The following SSBP3 variants were observed in gnomAD, a reference collection of about 807,000 sequenced individuals.
SSBP3 encodes the protein single stranded DNA binding protein 3, also known as single-stranded DNA-binding protein 3.
In SSBP3, 5 loss-of-function variants were observed where a neutral mutation model predicts 69.6. The observed-to-expected ratio is 0.07, with a 90% CI of 0.04 to 0.15. SSBP3 has a LOEUF of 0.15. SSBP3 is among the 10% of genes least tolerant of loss of function. The probability of loss-of-function intolerance (pLI) is 1.00; values close to 1 mark genes in which losing one functional copy is unlikely to be tolerated. For synonymous variants in SSBP3, 196 were observed against 193.4 expected, an observed-to-expected ratio of 1.01 and a Z score of -0.11; for missense variants, 312 against 534.0, an observed-to-expected ratio of 0.58 and a Z score of 4.10.
chr1:54,380,001 G>A (rs1046763316), intron 4 of SSBP3, among the ~76,000 whole-genome samples: 5 of 152,188 alleles, frequency 3.3e-5, no homozygotes, highest in African/African-American at 1.2e-4. Flanking sequence ...GGGGCTGGAG[G>A]AGGGCCTCTG....
At position 54,337,485 on chromosome 1, in the gene SSBP3, C is replaced by CTTTT. The variant is rs869039822; in HGVS notation, c.277-55962_277-55959dup. 2.4e-3 allele frequency among the ~76,000 whole-genome samples: 123 copies of CTTTT among 51,168 alleles called. 15 individuals are homozygous for CTTTT. The highest frequency in any genetic ancestry group is 2.7e-3 in the African/African-American group (27 of 10,176). The allele number at this position is 51,168 out of a possible 152,430, so 33.6% of individuals were successfully genotyped here. A position where few individuals can be genotyped will look rare whatever the true frequency, so the allele number is the denominator to read the frequency against. On this transcript the variant is annotated intron_variant, in intron 4 of 17. Transcript: ENST00000610401. ...ACCAAAGCATTTTGTTTTCCTCAAG[C>CTTTT]TTTTTTTTTTTTTTTTTTTTTTTTT... is the stretch of plus-strand genomic sequence containing the variant.
In SSBP3 at chr1:54,228,369, G is replaced by A. The variant is rs1280953332; in HGVS notation, c.1036-13C>T. 2.5e-6 allele frequency: 4 copies of A among 1,614,074 alleles called. No individual in the cohort carries two copies. The highest frequency in any genetic ancestry group is 2.2e-5 in the East Asian group (1 of 44,882). On this transcript the variant is annotated splice_polypyrimidine_tract_variant and intron_variant, in intron 16 of 17. Transcript: ENST00000610401. ...TGTTAGGAGAATTCTGTGGAAAGAG[G>A]AGAGGAGGTGAGCACCTGTGTCCCC...
chr1:54,240,097 C>T (rs1302026521), intron 13 of SSBP3, among the ~76,000 whole-genome samples: 668 of 12,382 alleles, frequency 0.054, 10 homozygotes, highest in East Asian at 0.23. Flanking sequence ...TGCGCGCGCG[C>T]GCGTGTGCGT....
At chr1:54,232,826 G>A (rs532373090) in intron 14 of SSBP3, among the ~76,000 whole-genome samples, 54 of 152,334 alleles carry the variant, frequency 3.5e-4, no homozygotes, top group African/African-American at 1.3e-3. Context: ...CGAGTGATCC[G>A]CCAGCCTTGG....
intron 4 of SSBP3, among the ~76,000 whole-genome samples, chr1:54,282,562 C>G (rs901392996): frequency 6.6e-6 from 1 of 152,240 alleles, no homozygotes; most frequent in African/African-American, 2.4e-5. Context: ...CCCAGCCTGG[C>G]CTCCTTCCAA....
At chr1:54,267,829 G>GT (rs1218043287) in intron 5 of SSBP3, among the ~76,000 whole-genome samples, 1 of 152,180 alleles carries the variant, frequency 6.6e-6, no homozygotes, top group Admixed American at 6.5e-5. Context: ...ATTCCCATCT[G>GT]TGAGTGGCTC....
At chr1:54,285,956 C>T (rs1312361403) in intron 4 of SSBP3, among the ~76,000 whole-genome samples, 1 of 152,140 alleles carries the variant, frequency 6.6e-6, no homozygotes, top group East Asian at 1.9e-4. Context: ...GAGGAGATGA[C>T]CACTAAGGCT....
intron 9 of SSBP3, among the ~76,000 whole-genome samples, chr1:54,248,960 C>T (rs1034773978): frequency 2.0e-5 from 3 of 152,162 alleles, no homozygotes; most frequent in Non-Finnish European, 4.4e-5. Context: ...GAGCCTCTCT[C>T]CCTCCCGCTG....
intron 4 of SSBP3, among the ~76,000 whole-genome samples, chr1:54,364,238 T>C (rs1305702978): frequency 6.6e-6 from 1 of 152,238 alleles, no homozygotes; most frequent in Admixed American, 6.5e-5. Flanking sequence ...CAAGAGAGAC[T>C]GCACAACCCA....
intron 4 of SSBP3, among the ~76,000 whole-genome samples, chr1:54,345,209 GTT>G (rs1557550036): frequency 6.6e-6 from 1 of 152,128 alleles, no homozygotes; most frequent in African/African-American, 2.4e-5. Flanking sequence ...GAACCCAGCC[GTT>G]AGAAACTAAC....
At chr1:54,241,621 G>T in intron 11 of SSBP3, 112 bp from the exon 12 acceptor site, 1 of 1,162,680 alleles carries the variant, frequency 8.6e-7, no homozygotes, top group East Asian at 2.4e-5. Context: ...GCCACCCAGT[G>T]AGCTGGCCAC....
intron 14 of SSBP3, among the ~76,000 whole-genome samples, chr1:54,233,574 C>G: frequency 1.4e-5 from 2 of 145,054 alleles, no homozygotes; most frequent in East Asian, 4.1e-4. Flanking sequence ...GCCGCCCCGT[C>G]GGGGAGGGAG....
chr1:54,298,443 C>T (rs934591069), intron 4 of SSBP3, among the ~76,000 whole-genome samples: 12 of 152,292 alleles, frequency 7.9e-5, no homozygotes, highest in African/African-American at 2.9e-4. Flanking sequence ...CCAGTGCTGT[C>T]CCCAGGATTT....
intron 5 of SSBP3, among the ~76,000 whole-genome samples, chr1:54,275,690 A>T (rs767779321): frequency 6.6e-6 from 1 of 152,230 alleles, no homozygotes; most frequent in Non-Finnish European, 1.5e-5. Context: ...CTTCATCATT[A>T]ATTTGGCAGA....
At chr1:54,399,431 C>T (rs1649132607) in intron 4 of SSBP3, among the ~76,000 whole-genome samples, 1 of 152,232 alleles carries the variant, frequency 6.6e-6, no homozygotes, top group Non-Finnish European at 1.5e-5. Flanking sequence ...AACAAGCCTT[C>T]TCTCATCGGG....
chr1:54,259,044 G>A (rs1288025946), intron 5 of SSBP3, among the ~76,000 whole-genome samples: 2 of 152,108 alleles, frequency 1.3e-5, no homozygotes, highest in African/African-American at 2.4e-5. Flanking sequence ...AGGGGGAAGT[G>A]CATGAAGGGT....
At position 54,251,464 on chromosome 1, in the gene SSBP3, G is replaced by A. The variant is rs989500789; in HGVS notation, c.651+152C>T. 5 of 878,150 alleles carry A rather than the reference G, an allele frequency of 5.7e-6. No individual in the cohort carries two copies. In the African/African-American group the frequency reaches 8.6e-5, roughly 15 times the overall value. The allele number at this position is 878,150 out of a possible 1,614,324, so 54.4% of individuals were successfully genotyped here. A position where few individuals can be genotyped will look rare whatever the true frequency, so the allele number is the denominator to read the frequency against. ...CAGCGCGTGAAGCCAGCCTGCCACA[G>A]GAAGCGGACAGGAGCAGGGGATGCG... On this transcript the variant is annotated intron_variant, in intron 9 of 17. Coordinates refer to ENST00000610401, the Ensembl canonical transcript of SSBP3.
chr1:54,394,816 C>T (rs1157530948), intron 4 of SSBP3, among the ~76,000 whole-genome samples: 1 of 150,712 alleles, frequency 6.6e-6, no homozygotes. Flanking sequence ...CATTCTCCTG[C>T]CTCAGCCTCC....
intron 4 of SSBP3, among the ~76,000 whole-genome samples, chr1:54,393,241 C>T (rs1648625752): frequency 6.6e-6 from 1 of 152,220 alleles, no homozygotes; most frequent in African/African-American, 2.4e-5. Context: ...TTGGAAGCGG[C>T]ATATGTGACT....
Sources: gnomAD v4.1 joint callset for allele counts (sites outside exome capture counted in the v4.1 genomes callset) on GRCh38, gnomAD v4.1.1 for gene constraint, MANE v1.5 for transcripts, NCBI Gene and HGNC (gene_info 2026-07-23, HGNC 2026-07-21) for gene names.